GCSAM: variants seen among roughly 807,000 people sequenced by gnomAD.
GCSAM encodes germinal center-associated signaling and motility protein.
Under a neutral mutation model 17.6 loss-of-function variants are expected in GCSAM, and 8 were observed. The ratio of observed to expected loss-of-function variants is 0.46; its 90% confidence interval spans 0.27 to 0.82. The LOEUF is 0.82. Ranked by LOEUF, GCSAM falls within the 40% of genes least tolerant of loss-of-function variation. GCSAM has a pLI of 0.15. For synonymous variants in GCSAM, 68 were observed against 69.0 expected (o/e 0.98, Z 0.07); for missense variants, 192 against 213.5 (o/e 0.90, Z 0.63).
chr3:112,127,436 C>A (rs1397255789), intron 3 of GCSAM, among the ~76,000 whole-genome samples: 1 of 152,108 alleles, frequency 6.6e-6, no homozygotes, highest in Admixed American at 6.5e-5. Flanking sequence ...AACAAATAAA[C>A]ACACTCTTCG....
In GCSAM at chr3:112,122,947, C is replaced by T. The variant is rs148543078; in HGVS notation, c.*508G>A. ...CCATGGGGGCCAACAGGTCAAAGGA[C>T]ACTATGTAAAAGACATGACTTAGAC... is the stretch of plus-strand genomic sequence containing the variant. On this transcript the variant is annotated 3_prime_UTR_variant, in exon 6 of 6. Transcript: ENST00000308910. 4.3e-3 allele frequency: 686 copies of T among 159,454 alleles called. 2 individuals are homozygous for T. The highest frequency in any genetic ancestry group is 0.016 in the African/African-American group (663 of 41,604). 9.9% of individuals were successfully genotyped at this position (159,454 alleles called of 1,614,324 possible). A position where few individuals can be genotyped will look rare whatever the true frequency, so the allele number is the denominator to read the frequency against.
At position 112,123,260 on chromosome 3, in the gene GCSAM, G is replaced by T. The variant is rs1176742164; in HGVS notation, c.*195C>A. The T allele has an allele frequency of 9.0e-6, 9 of 1,004,490 alleles. No homozygotes were observed. Among genetic ancestry groups the T allele is most frequent in the Non-Finnish European group, 1.3e-5 (9 of 708,076 alleles). 62.2% of individuals were successfully genotyped at this position (1,004,490 alleles called of 1,614,324 possible). On this transcript the variant is annotated 3_prime_UTR_variant, in exon 6 of 6. Transcript: ENST00000308910. The stretch of plus-strand genomic sequence containing the variant: ...CCTCTTTCTCAAATGGTGTTGTTCA[G>T]GATAAATGGTTGATCTTTAGATTTT...
At position 112,123,313 on chromosome 3, in the gene GCSAM, G is replaced by T; in HGVS notation, c.*142C>A. On this transcript the variant is annotated 3_prime_UTR_variant, in exon 6 of 6. Coordinates refer to ENST00000308910, the MANE Select transcript of GCSAM (RefSeq NM_152785.5). Reference sequence around the variant, plus strand: ...CTTTTGCGTGCTAAGAGGGCTTGTGGTATACAAACCATGCTCTGCAGGGAA... The same window carrying T: ...CTTTTGCGTGCTAAGAGGGCTTGTGTTATACAAACCATGCTCTGCAGGGAA... 1 of 1,434,480 alleles carries T rather than the reference G, an allele frequency of 7.0e-7. No individual in the cohort carries two copies. Among genetic ancestry groups the T allele is most frequent in the Non-Finnish European group, 9.2e-7 (1 of 1,084,018 alleles). 88.9% of individuals were successfully genotyped at this position (1,434,480 alleles called of 1,614,324 possible).
intron 1 of GCSAM, among the ~76,000 whole-genome samples, chr3:112,132,145 G>A (rs1221577246): frequency 2.0e-5 from 3 of 152,248 alleles, no homozygotes; most frequent in African/African-American, 7.2e-5. Flanking sequence ...TTGACAAGGG[G>A]CTGTGACAAC....
chr3:112,131,555 G>A (rs977851677), intron 1 of GCSAM, among the ~76,000 whole-genome samples: 2 of 152,124 alleles, frequency 1.3e-5, no homozygotes, highest in African/African-American at 4.8e-5. Flanking sequence ...TCAAACTCCT[G>A]GGCTCAAGCA....
rs971320289 is a variant in GCSAM, at chr3:112,130,324, T to G, written c.98+121A>C. The G allele has an allele frequency of 2.0e-5, 16 of 787,564 alleles. No individual in the cohort carries two copies. In the South Asian group the frequency reaches 2.1e-4, roughly 10 times the overall value. 48.8% of individuals were successfully genotyped at this position (787,564 alleles called of 1,614,324 possible). A position where few individuals can be genotyped will look rare whatever the true frequency, so the allele number is the denominator to read the frequency against. On this transcript the variant is annotated intron_variant, in intron 2 of 5. Coordinates refer to ENST00000308910, the MANE Select transcript of GCSAM (RefSeq NM_152785.5). ...TTTGTCCTGTCTTCACATTTGTTACTATTGCAACTGCTACTGGTCTAAACA... is the reference window on the plus strand; with the variant it reads ...TTTGTCCTGTCTTCACATTTGTTACGATTGCAACTGCTACTGGTCTAAACA...
At chr3:112,124,153 G>A (rs577319486) in intron 5 of GCSAM, among the ~76,000 whole-genome samples, 9 of 152,240 alleles carry the variant, frequency 5.9e-5, no homozygotes, top group African/African-American at 1.2e-4. Context: ...TGCCATCCTC[G>A]CAGTTATGAG....
At position 112,122,130 on chromosome 3, in the gene GCSAM, C is replaced by T. The variant is rs764094240; in HGVS notation, c.*1325G>A. On this transcript the variant is annotated 3_prime_UTR_variant, in exon 6 of 6. Transcript: ENST00000308910. ...CATTTGTGATTTAATATTTTTATGC[C>T]ATTTTATTGGTGCTTGCTCTTATGC... The T allele has an allele frequency of 1.3e-5, 2 of 152,158 alleles. No individual in the cohort carries two copies. Among genetic ancestry groups the T allele is most frequent in the African/African-American group, 2.4e-5 (1 of 41,444 alleles). The allele number at this position is 152,158 out of a possible 1,614,324, so 9.4% of individuals were successfully genotyped here. A position where few individuals can be genotyped will look rare whatever the true frequency, so the allele number is the denominator to read the frequency against.
rs2074212162 is a variant in GCSAM, at chr3:112,122,081, T to A, written c.*1374A>T. The A allele has an allele frequency of 1.3e-5, 2 of 152,262 alleles. No individual in the cohort carries two copies. Among genetic ancestry groups the A allele is most frequent in the South Asian group, 4.1e-4 (2 of 4,836 alleles). 9.4% of individuals were successfully genotyped at this position (152,262 alleles called of 1,614,324 possible). A position where few individuals can be genotyped will look rare whatever the true frequency, so the allele number is the denominator to read the frequency against. On this transcript the variant is annotated 3_prime_UTR_variant, in exon 6 of 6. Coordinates refer to ENST00000308910, the MANE Select transcript of GCSAM (RefSeq NM_152785.5). ...TGAATACAGAAATAGTAGAATTTGC[T>A]AAATTGCCTTGGTCTCACTTATCCA...
At position 112,131,300 on chromosome 3, in the gene GCSAM, T is replaced by TCTGA. The variant is rs1553770868; in HGVS notation, c.30-788_30-787insTCAG. Among the ~76,000 whole-genome samples the TCTGA allele has an allele frequency of 7.4e-3, 1,131 of 152,218 alleles. 15 individuals carry two copies. Among genetic ancestry groups the TCTGA allele is most frequent in the African/African-American group, 0.025 (1,036 of 41,508 alleles). Reference sequence around the variant, plus strand: ...GTCTCTTCCTCTGAGACTGAGCTCCTCTCATGAAGGGATGAGTGCCATTCT... The same window carrying TCTGA: ...GTCTCTTCCTCTGAGACTGAGCTCCTCTGACTCATGAAGGGATGAGTGCCATTCT... On this transcript the variant is annotated intron_variant, in intron 1 of 5. Transcript: ENST00000308910.
intron 1 of GCSAM, 57 bp from the exon 2 acceptor site, chr3:112,130,570 CTTTTCATAAT>C: frequency 1.3e-6 from 2 of 1,487,308 alleles, no homozygotes; most frequent in Non-Finnish European, 1.9e-6. Flanking sequence ...CCTGTCACTT[CTTTTCATAAT>C]TTTTCCGACT....
rs114489392 is a variant in GCSAM, at chr3:112,121,709, G to A, written c.*1746C>T. The A allele has an allele frequency of 6.6e-6, 1 of 152,218 alleles. No individual in the cohort carries two copies. The highest frequency in any genetic ancestry group is 1.5e-5 in the Non-Finnish European group (1 of 68,036). 9.4% of individuals were successfully genotyped at this position (152,218 alleles called of 1,614,324 possible). On this transcript the variant is annotated 3_prime_UTR_variant, in exon 6 of 6. Coordinates refer to ENST00000308910, the MANE Select transcript of GCSAM (RefSeq NM_152785.5). ...AAAGTAGGAAGTTAGCAGAGGAAGA[G>A]ATACCAAGATGCAGCTGGCTCTTTA...
rs377539645 is a variant in GCSAM at position 112,128,043 on chromosome 3, G to A, written c.117C>T (p.Ile39=). 10 of 1,613,562 alleles carry A rather than the reference G, an allele frequency of 6.2e-6. No homozygotes were observed. The Admixed American group carries it at 6.7e-5, about 11-fold the overall frequency. The change falls in exon 3 of 6, where the codon ATC becomes ATT. Residue 39 remains isoleucine (I), a synonymous_variant. Coordinates refer to ENST00000308910, the MANE Select transcript of GCSAM (RefSeq NM_152785.5). ...QRTSRCWDHH[I]AEGCFCLPWK... Reference sequence around the variant, plus strand: ...ATGGAAGGCAGAAACACCCTTCAGCGATATGGTGATCCCAGCATCTAAAAT... The same window carrying A: ...ATGGAAGGCAGAAACACCCTTCAGCAATATGGTGATCCCAGCATCTAAAAT...
At chr3:112,126,198 G>A (rs2074313186) in intron 4 of GCSAM, among the ~76,000 whole-genome samples, 1 of 152,184 alleles carries the variant, frequency 6.6e-6, no homozygotes, top group South Asian at 2.1e-4. Flanking sequence ...GACTCCTGGA[G>A]TGAAGTGGCT....
At chr3:112,124,979 C>T (rs1013233183) in intron 5 of GCSAM, among the ~76,000 whole-genome samples, 6 of 152,186 alleles carry the variant, frequency 3.9e-5, no homozygotes, top group African/African-American at 1.4e-4. Context: ...AAGCACTCAG[C>T]ATGTTGTCTG....
intron 2 of GCSAM, chr3:112,129,117 G>A (rs1483549494): frequency 6.6e-6 from 1 of 152,030 alleles, no homozygotes; most frequent in African/African-American, 2.4e-5. Flanking sequence ...TCTTCTTTAG[G>A]TTACCTTCAA....
chr3:112,128,702 T>A, intron 2 of GCSAM: 4 of 163,036 alleles, frequency 2.5e-5, no homozygotes. Context: ...TCAGCAAATC[T>A]ACCACCTTGA....
chr3:112,127,005 G>A lies in GCSAM; in HGVS notation c.172C>T (p.Gln58Ter). The A allele has an allele frequency of 6.3e-7, 1 of 1,589,822 alleles. No homozygotes were observed. Among genetic ancestry groups the A allele is most frequent in the Non-Finnish European group, 8.6e-7 (1 of 1,162,156 alleles). ...WKKILIFEKR[Q>*]DSQNENERMS... ...GACTTACTTTCGTTTTGGGAATCTT[G>A]CCTCTTTTCAAAAATGAGTATTTTT... Residue 58 changes from glutamine (Q) to a stop codon, truncating the protein, a stop_gained, in exon 4 of 6, where the codon CAA becomes TAA. Transcript: ENST00000308910. LOFTEE classifies it low-confidence loss of function (END_TRUNC).
At chr3:112,128,376 GA>G in intron 2 of GCSAM, 1 of 493,022 alleles carries the variant, frequency 2.0e-6, no homozygotes. Flanking sequence ...TTATCCCCAG[GA>G]AATCAAGGTA....
Sources: gnomAD v4.1 joint callset for allele counts (sites outside exome capture counted in the v4.1 genomes callset) on GRCh38, gnomAD v4.1.1 for gene constraint, MANE v1.5 for transcripts, NCBI Gene and HGNC (gene_info 2026-07-23, HGNC 2026-07-21) for gene names.